The following PIEZO2 variants were observed in gnomAD, a reference collection of about 807,000 sequenced individuals.
The protein encoded by PIEZO2 is piezo type mechanosensitive ion channel component 2.
PIEZO2 carries 172 observed loss-of-function variants against 337.3 expected under a neutral mutation model. The ratio of observed to expected loss-of-function variants is 0.51; its 90% CI spans 0.45 to 0.58. The LOEUF is 0.58. Ranked by LOEUF, PIEZO2 falls within the 20% of genes least tolerant of loss-of-function variation. PIEZO2 has a pLI of 0.00. For missense variants in PIEZO2, 3,028 were observed against 3,391.3 expected (o/e 0.89, Z 2.66); for synonymous variants, 1,251 against 1,228.5 (o/e 1.02, Z -0.38).
intron 3 of PIEZO2, among the ~76,000 whole-genome samples, chr18:10,960,386 T>C (rs573054094): frequency 2.0e-5 from 3 of 152,332 alleles, no homozygotes; most frequent in East Asian, 1.9e-4. Context: ...CTAAAAGATA[T>C]TGTTTTAATA....
At chr18:10,946,438 C>A (rs1369183211) in intron 3 of PIEZO2, among the ~76,000 whole-genome samples, 1 of 152,202 alleles carries the variant, frequency 6.6e-6, no homozygotes, top group African/African-American at 2.4e-5. Context: ...CCCCACTCTG[C>A]AGCAACAAAT....
In PIEZO2 at chr18:11,047,469, C is replaced by T. The variant is rs1342085711; in HGVS notation, c.160+18658G>A. On this transcript the variant is annotated intron_variant, in intron 2 of 55. Coordinates refer to ENST00000674853, the MANE Select transcript of PIEZO2 (RefSeq NM_001378183.1). The surrounding 1 kb of genome is among the most constrained non-coding windows in gnomAD (Gnocchi z 7.2). ...GCAAGGGGCAAGGGGACAGGGACTCCTCTCCTCCCTCCCCATCCCCCAAAT... is the reference window on the plus strand; with the variant it reads ...GCAAGGGGCAAGGGGACAGGGACTCTTCTCCTCCCTCCCCATCCCCCAAAT... Among the ~76,000 whole-genome samples, 3 of 152,148 alleles carry T rather than the reference C, an allele frequency of 2.0e-5. No homozygotes were observed. Among genetic ancestry groups the T allele is most frequent in the Admixed American group, 6.5e-5 (1 of 15,274 alleles).
intron 35 of PIEZO2, among the ~76,000 whole-genome samples, 147 bp downstream of exon 35, chr18:10,735,085 T>C (rs925701012): frequency 1.3e-5 from 2 of 152,222 alleles, no homozygotes; most frequent in African/African-American, 4.8e-5. Context: ...TTGGAAAACT[T>C]TTTCTAATAT....
chr18:10,799,504 T>C (rs144367906), intron 11 of PIEZO2, among the ~76,000 whole-genome samples: 77 of 146,864 alleles, frequency 5.2e-4, no homozygotes, highest in African/African-American at 1.8e-3. Context: ...TTTTAAATGC[T>C]GCGCAGACCA....
chr18:10,835,547 CT>C lies in PIEZO2; in HGVS notation c.917+19805del, dbSNP rs58831248. 1.5e-3 allele frequency among the ~76,000 whole-genome samples: 222 copies of C among 146,200 alleles called. 1 individual carries two copies. Among genetic ancestry groups the C allele is most frequent in the Middle Eastern group, 3.6e-3 (1 of 280 alleles). ...ACACAGTAAAACTCCTAACCAAGTT[CT>C]TTTTTTTTTTTTTGAGACGGAGTCT... On this transcript the variant is annotated intron_variant, in intron 7 of 55. Transcript: ENST00000674853.
chr18:10,894,315 G>A lies in PIEZO2; in HGVS notation c.329+16871C>T, dbSNP rs1438527524. 1.3e-5 allele frequency among the ~76,000 whole-genome samples: 2 copies of A among 152,138 alleles called. No individual in the cohort carries two copies. The highest frequency in any genetic ancestry group is 2.9e-5 in the Non-Finnish European group (2 of 68,032). On this transcript the variant is annotated intron_variant, in intron 4 of 55. Coordinates refer to ENST00000674853, the MANE Select transcript of PIEZO2 (RefSeq NM_001378183.1). The surrounding 1 kb of genome is among the most constrained non-coding windows in gnomAD (Gnocchi z 4.1). ...AAAAATACAAAAAAAACAGCCAGGC[G>A]TGGTGGTGGACGCCTGTAATCCCAA...
At chr18:10,908,094 CG>C (rs2030123632) in intron 4 of PIEZO2, among the ~76,000 whole-genome samples, 1 of 152,178 alleles carries the variant, frequency 6.6e-6, no homozygotes, top group Admixed American at 6.5e-5. Context: ...ACTGTGACTA[CG>C]TGTATTTATT....
At chr18:11,106,528 C>T (rs186998885) in intron 1 of PIEZO2, among the ~76,000 whole-genome samples, 5 of 151,802 alleles carry the variant, frequency 3.3e-5, no homozygotes, top group African/African-American at 1.2e-4. Flanking sequence ...CCGCCTCAGC[C>T]TCCCAAGAAT....
chr18:10,898,664 G>C (rs192736271), intron 4 of PIEZO2, among the ~76,000 whole-genome samples: 15 of 152,254 alleles, frequency 9.9e-5, no homozygotes, highest in South Asian at 2.1e-4. Flanking sequence ...AATGAGGTAA[G>C]GAAATATTGG....
intron 2 of PIEZO2, among the ~76,000 whole-genome samples, chr18:11,049,763 A>T (rs7240199): frequency 1.3e-5 from 2 of 152,038 alleles, no homozygotes; most frequent in African/African-American, 2.4e-5. Context: ...CATGTAAGAC[A>T]TGCCTTTCGC....
At position 10,759,975 on chromosome 18, in the gene PIEZO2, G is replaced by C. The variant is rs1568026912; in HGVS notation, c.3451-66C>G. The C allele has an allele frequency of 7.1e-7, 1 of 1,401,524 alleles. No individual in the cohort carries two copies. Among genetic ancestry groups the C allele is most frequent in the Non-Finnish European group, 9.7e-7 (1 of 1,026,932 alleles). 86.8% of individuals were successfully genotyped at this position (1,401,524 alleles called of 1,614,324 possible). ...ATATGGGAAAGGGGACTGGTGATAG[G>C]TGTCAGGTCTGTGTAGATGGCGGAG... is the stretch of plus-strand genomic sequence containing the variant. On this transcript the variant is annotated intron_variant, in intron 24 of 55. Coordinates refer to ENST00000674853, the MANE Select transcript of PIEZO2 (RefSeq NM_001378183.1). The surrounding 1 kb of genome is among the most constrained non-coding windows in gnomAD (Gnocchi z 5.5).
chr18:10,788,425 A>AG (rs1336134281), intron 15 of PIEZO2, among the ~76,000 whole-genome samples: 19 of 137,044 alleles, frequency 1.4e-4, no homozygotes, highest in African/African-American at 3.8e-4. Flanking sequence ...AAAAAAAGAA[A>AG]GAAAGGAAGG....
intron 3 of PIEZO2, among the ~76,000 whole-genome samples, chr18:10,936,870 C>T (rs1311449213): frequency 6.6e-6 from 1 of 152,208 alleles, no homozygotes; most frequent in African/African-American, 2.4e-5. Context: ...GGCAGGAATC[C>T]TGCAGTGAAA....
rs1598759497 is a variant in PIEZO2 at position 10,969,378 on chromosome 18, C to T, written c.286+10157G>A. Among the ~76,000 whole-genome samples, 2 of 147,268 alleles carry T rather than the reference C, an allele frequency of 1.4e-5. No individual in the cohort carries two copies. The highest frequency in any genetic ancestry group is 6.8e-5 in the Admixed American group (1 of 14,612). ...TTGTCTTACAGCAAGGACTGGTCGG[C>T]ATGGTGGGGAGCAGACGGGCGTGAG... On this transcript the variant is annotated intron_variant, in intron 3 of 55. Transcript: ENST00000674853. The surrounding 1 kb of genome is among the most constrained non-coding windows in gnomAD (Gnocchi z 4.5).
rs772812069 is a variant in PIEZO2, at chr18:10,797,481, C to T, written c.1420G>A (p.Glu474Lys). The T allele has an allele frequency of 2.0e-5, 31 of 1,537,024 alleles. No homozygotes were observed. Among genetic ancestry groups the T allele is most frequent in the Non-Finnish European group, 2.5e-5 (29 of 1,146,900 alleles). ...CTTTTTTCCTCACGGCTCCTTTCTT[C>T]TTCAAATTCTTCTTTCTCTTCCTCT... is the stretch of plus-strand genomic sequence containing the variant. Reference protein sequence around the residue: ...EEEEEKEEFEEERSREEKRSI... With the variant: ...EEEEEKEEFEKERSREEKRSI... The change falls in exon 12 of 56, where the codon GAA (glutamate) becomes AAA (lysine). Residue 474 changes from glutamate to lysine, a missense_variant. Around this residue, in one of 5 missense-constraint regions of PIEZO2, gnomAD observed 542 missense variants for 605.6 expected, o/e 0.89. Coordinates refer to ENST00000674853, the MANE Select transcript of PIEZO2 (RefSeq NM_001378183.1).
At chr18:11,063,525 T>C (rs58365305) in intron 2 of PIEZO2, among the ~76,000 whole-genome samples, 4,436 of 152,216 alleles carry the variant, frequency 0.029, 206 homozygotes, top group African/African-American at 0.098. Context: ...CCTACCTCTA[T>C]GGATATACAC....
In PIEZO2 at chr18:10,895,545, G is replaced by A. The variant is rs559579409; in HGVS notation, c.329+15641C>T. Among the ~76,000 whole-genome samples the A allele has an allele frequency of 7.9e-5, 12 of 152,278 alleles. No homozygotes were observed. Among genetic ancestry groups the A allele is most frequent in the South Asian group, 2.1e-4 (1 of 4,822 alleles). ...AGCCCCCCAGCTGGAACAGAGTGCC[G>A]GGGAATGGTGCCGTTTGTTGGGGTA... On this transcript the variant is annotated intron_variant, in intron 4 of 55. Coordinates refer to ENST00000674853, the MANE Select transcript of PIEZO2 (RefSeq NM_001378183.1). This position sits in a 1 kb window ranked among gnomAD's most constrained non-coding sequence, Gnocchi z 4.8.
chr18:10,834,707 C>G lies in PIEZO2; in HGVS notation c.917+20646G>C, dbSNP rs935507167. On this transcript the variant is annotated intron_variant, in intron 7 of 55. Coordinates refer to ENST00000674853, the MANE Select transcript of PIEZO2 (RefSeq NM_001378183.1). The surrounding 1 kb of genome is among the most constrained non-coding windows in gnomAD (Gnocchi z 4.5). ...AGAGAGGAAGCCTGGCCTGTCTGAA[C>G]TCCAAAGCCCTTCCCTTTCCACAAG... Among the ~76,000 whole-genome samples, 2 of 152,170 alleles carry G rather than the reference C, an allele frequency of 1.3e-5. No homozygotes were observed. Among genetic ancestry groups the G allele is most frequent in the Non-Finnish European group, 2.9e-5 (2 of 68,028 alleles).
chr18:10,767,781 G>A lies in PIEZO2; in HGVS notation c.2946+2367C>T, dbSNP rs2038426816. 6.6e-6 allele frequency among the ~76,000 whole-genome samples: 1 copy of A among 152,236 alleles called. No individual in the cohort carries two copies. The highest frequency in any genetic ancestry group is 2.4e-5 in the African/African-American group (1 of 41,462). On this transcript the variant is annotated intron_variant, in intron 21 of 55. Coordinates refer to ENST00000674853, the MANE Select transcript of PIEZO2 (RefSeq NM_001378183.1). The surrounding 1 kb of genome is among the most constrained non-coding windows in gnomAD (Gnocchi z 4.2). ...GCGGGGAAGGCTGTCTGGAAGGGCA[G>A]CAGGACTCCACAGAGGAGTCCAGGA...
Sources: gnomAD v4.1 joint callset for allele counts (sites outside exome capture counted in the v4.1 genomes callset) on GRCh38, gnomAD v4.1.1 for gene constraint, gnomAD v4.1.1 regional missense constraint, Gnocchi (gnomAD v3.1) non-coding constraint, MANE v1.5 for transcripts, NCBI Gene and HGNC (gene_info 2026-07-23, HGNC 2026-07-21) for gene names.